The following AMOTL1 variants were observed in gnomAD, a reference collection of about 807,000 sequenced individuals.
The protein encoded by AMOTL1 is angiomotin-like protein 1.
In AMOTL1, 45 loss-of-function variants were observed where a neutral mutation model predicts 102.9. The observed-to-expected ratio is 0.44, with a 90% CI of 0.34 to 0.56. AMOTL1 has a LOEUF of 0.56. Among genes scored for constraint, AMOTL1 ranks in the 20% least tolerant of loss-of-function variants. The pLI, the probability that AMOTL1 is intolerant of heterozygous loss-of-function variation, is 0.01. For synonymous variants in AMOTL1, 481 were observed against 484.7 expected, an observed-to-expected ratio of 0.99 and a Z score of 0.10; for missense variants, 1,114 against 1,225.6, an observed-to-expected ratio of 0.91 and a Z score of 1.36.
intron 3 of AMOTL1, among the ~76,000 whole-genome samples, chr11:94,818,494 A>AT (rs923131931): frequency 1.2e-4 from 18 of 151,574 alleles, no homozygotes; most frequent in East Asian, 1.9e-4. Context: ...ATGGCAAATA[A>AT]TTTTTTTTTG....
chr11:94,780,313 A>G (rs1440443920), intron 1 of AMOTL1, among the ~76,000 whole-genome samples: 2 of 152,192 alleles, frequency 1.3e-5, no homozygotes, highest in African/African-American at 4.8e-5. Flanking sequence ...TTGCATGCCA[A>G]GGTGGCCAGG....
chr11:94,833,229 G>T (rs1952109548), intron 6 of AMOTL1, among the ~76,000 whole-genome samples: 1 of 152,180 alleles, frequency 6.6e-6, no homozygotes, highest in Non-Finnish European at 1.5e-5. Context: ...ATTTGAAGCA[G>T]GTTTGGTAAT....
At position 94,733,674 on chromosome 11, in the gene AMOTL1, C is replaced by T. The variant is rs192479326; in HGVS notation, c.85+4619C>T. On this transcript the variant is annotated intron_variant, in intron 2 of 4. Transcript: ENST00000299004. ...GTCTCTGCATTTCAGCAGAAACTCA[C>T]ATTTATCCTACAGATTTTGTTTTTT... Among the ~76,000 whole-genome samples, 145 of 152,358 alleles carry T rather than the reference C, an allele frequency of 9.5e-4. 1 individual carries two copies. The highest frequency in any genetic ancestry group is 3.4e-3 in the Middle Eastern group (1 of 294).
intron 3 of AMOTL1, among the ~76,000 whole-genome samples, chr11:94,803,368 C>G (rs944528723): frequency 1.3e-5 from 2 of 152,162 alleles, no homozygotes; most frequent in Non-Finnish European, 2.9e-5. Context: ...AGGCCTTGAC[C>G]TCGTTGACTT....
rs140132545 is a variant in AMOTL1, at chr11:94,801,935, G to A, written c.1121+1624G>A. 2.4e-3 allele frequency among the ~76,000 whole-genome samples: 361 copies of A among 152,278 alleles called. 3 individuals carry two copies. The highest frequency in any genetic ancestry group is 8.4e-3 in the African/African-American group (349 of 41,552). On this transcript the variant is annotated intron_variant, in intron 3 of 12. Transcript: ENST00000433060. ...ATCTGTTTCTAAATTGAACAAGCCA[G>A]GGTTTTCCCAAGCGACCTCAGTGGC...
intron 3 of AMOTL1, 124 bp downstream of exon 3, chr11:94,800,435 T>G: frequency 9.1e-7 from 1 of 1,098,158 alleles, no homozygotes; most frequent in South Asian, 1.6e-5. Context: ...TGCATGATAT[T>G]TAATAAACCA....
intron 2 of AMOTL1, among the ~76,000 whole-genome samples, chr11:94,738,967 G>T (rs1565334082): frequency 6.6e-6 from 1 of 152,194 alleles, no homozygotes; most frequent in Non-Finnish European, 1.5e-5. Context: ...GAAGAGTTGA[G>T]AGATCAGAGT....
intron 6 of AMOTL1, among the ~76,000 whole-genome samples, chr11:94,849,414 G>A (rs982438227): frequency 6.6e-6 from 1 of 152,196 alleles, no homozygotes; most frequent in African/African-American, 2.4e-5. Context: ...CAACAGTAGA[G>A]CAGTCTGTAT....
intron 3 of AMOTL1, among the ~76,000 whole-genome samples, chr11:94,763,080 T>A (rs1392362238): frequency 2.0e-5 from 3 of 152,210 alleles, no homozygotes; most frequent in Non-Finnish European, 4.4e-5. Flanking sequence ...GTTCAAATGA[T>A]CTCTTCTGTT....
At position 94,817,243 on chromosome 11, in the gene AMOTL1, C is replaced by G. The variant is rs114245342; in HGVS notation, c.1122-4287C>G. 8.5e-3 allele frequency among the ~76,000 whole-genome samples: 1,285 copies of G among 151,744 alleles called. 19 individuals are homozygous for G. Among genetic ancestry groups the G allele is most frequent in the African/African-American group, 0.03 (1,225 of 41,388 alleles). ...TTTTTTTTGGAAATCGTTGAGTTAT[C>G]ATTTGGGCTAAATGATTGACTTATT... On this transcript the variant is annotated intron_variant, in intron 3 of 12. Transcript: ENST00000433060.
At chr11:94,783,820 G>A (rs1951144222) in intron 1 of AMOTL1, among the ~76,000 whole-genome samples, 1 of 152,162 alleles carries the variant, frequency 6.6e-6, no homozygotes, top group South Asian at 2.1e-4. Context: ...ATATATCTTT[G>A]TGGAATGAAT....
chr11:94,851,727 G>T (rs1952543341), intron 7 of AMOTL1, among the ~76,000 whole-genome samples: 1 of 152,180 alleles, frequency 6.6e-6, no homozygotes. Context: ...GTTGTTACTT[G>T]GAGGATTAAA....
Position 94,800,940 on chromosome 11 carries a change from A to AT in AMOTL1, c.1121+629_1121+630insT, listed in dbSNP as rs1162145607. Among the ~76,000 whole-genome samples, 3 of 152,174 alleles carry AT rather than the reference A, an allele frequency of 2.0e-5. No homozygotes were observed. In the East Asian group the frequency reaches 5.8e-4, roughly 29 times the overall value. ...CTTCCAGTTGATTGATGGATTCAGC[A>AT]GCACCTACTGAGTGTATGCTGTACT... is the stretch of plus-strand genomic sequence containing the variant. On this transcript the variant is annotated intron_variant, in intron 3 of 12. Coordinates refer to ENST00000433060, the MANE Select transcript of AMOTL1 (RefSeq NM_130847.3).
chr11:94,859,475 A>C, intron 8 of AMOTL1, 50 bp from the exon 9 acceptor site: 1 of 1,538,176 alleles, frequency 6.5e-7, no homozygotes, highest in Non-Finnish European at 8.8e-7. Flanking sequence ...AGTTGTGTAG[A>C]CAGCATTGAT....
chr11:94,791,052 G>A (rs1199894531), intron 1 of AMOTL1, among the ~76,000 whole-genome samples: 1 of 152,166 alleles, frequency 6.6e-6, no homozygotes, highest in Non-Finnish European at 1.5e-5. Flanking sequence ...AAAGGCCTCT[G>A]TTACAAAGAA....
intron 1 of AMOTL1, among the ~76,000 whole-genome samples, chr11:94,718,413 CTT>C (rs1208154370): frequency 1.3e-5 from 2 of 151,826 alleles, no homozygotes; most frequent in East Asian, 1.9e-4. Context: ...TTTGTAATTG[CTT>C]TCTGTAGAAT....
intron 3 of AMOTL1, among the ~76,000 whole-genome samples, chr11:94,814,095 G>A (rs1482138491): frequency 6.6e-6 from 1 of 152,122 alleles, no homozygotes; most frequent in African/African-American, 2.4e-5. Context: ...TTAACTCTGG[G>A]ATTTGGAAGT....
upstream of AMOTL1, chr11:94,768,204 G>T (rs1950879906): frequency 4.7e-6 from 5 of 1,060,058 alleles, no homozygotes; most frequent in Admixed American, 2.1e-4. Context: ...GCAGTCTCGC[G>T]GCCCGGGGAG....
Position 94,768,506 on chromosome 11 carries a change from C to G in AMOTL1, c.-6C>G. On this transcript the variant is annotated 5_prime_UTR_variant, in exon 1 of 13. The change creates a new upstream start codon in the 5' untranslated region. Transcript: ENST00000433060. ...GCCGAGGGACTGAACTAGCCATGAT[C>G]GCCTCATGTGGAGGGCAAAGTTGCG... 6.3e-7 allele frequency: 1 copy of G among 1,599,122 alleles called. No homozygotes were observed. The highest frequency in any genetic ancestry group is 8.5e-7 in the Non-Finnish European group (1 of 1,173,382).
Sources: allele counts gnomAD v4.1 joint callset (sites outside exome capture counted in the v4.1 genomes callset), GRCh38; gene constraint gnomAD v4.1.1; transcripts MANE v1.5; gene names NCBI Gene and HGNC (gene_info 2026-07-23, HGNC 2026-07-21).